Variants in SOX5 observed in about 807,000 individuals in gnomAD.
SOX5 encodes transcription factor SOX-5.
In SOX5, 9 loss-of-function variants were observed where a neutral mutation model predicts 92.0. That is an observed-to-expected ratio of 0.10 (90% CI 0.06 to 0.17). SOX5 has a LOEUF of 0.17. Ranked by LOEUF, SOX5 falls within the 10% of genes least tolerant of loss-of-function variation. The probability of loss-of-function intolerance (pLI) is 1.00; values close to 1 mark genes in which losing one functional copy is unlikely to be tolerated. For missense variants in SOX5, 642 were observed against 944.5 expected (o/e 0.68, Z 4.20); for synonymous variants, 344 against 336.3 (o/e 1.02, Z -0.25).
intron 9 of SOX5, among the ~76,000 whole-genome samples, chr12:23,588,531 TAA>T (rs1951066367): frequency 6.6e-6 from 1 of 152,022 alleles, no homozygotes; most frequent in African/African-American, 2.4e-5. Context: ...CTGAATTCCA[TAA>T]AAGACTTTAT....
At chr12:23,698,419 C>T (rs994651437) in intron 6 of SOX5, among the ~76,000 whole-genome samples, 1 of 152,116 alleles carries the variant, frequency 6.6e-6, no homozygotes, top group South Asian at 2.1e-4. Context: ...GTTTTAATTG[C>T]TATATCTTCA....
At chr12:23,742,211 G>A (rs1184642991) in intron 4 of SOX5, among the ~76,000 whole-genome samples, 3 of 152,154 alleles carry the variant, frequency 2.0e-5, no homozygotes, top group Admixed American at 2.0e-4. Context: ...ATTTTAGGAA[G>A]TAGCAGCTAT....
intron 8 of SOX5, among the ~76,000 whole-genome samples, chr12:23,615,543 C>G (rs1351874732): frequency 6.6e-6 from 1 of 152,106 alleles, no homozygotes; most frequent in Admixed American, 6.5e-5. Context: ...TTGTTCCCCT[C>G]TGTGTGTCCA....
rs1948054461 is a variant in SOX5 at position 24,116,812 on chromosome 12, A to G, written c.-2+96531T>C. On this transcript the variant is annotated intron_variant, in intron 4 of 4. Coordinates refer to the SOX5 transcript ENST00000446891. ...TTGTTTAATTTTTCAAATCATGTGC[A>G]TGTATTATTTTGATGACAGTATTTA... is the stretch of plus-strand genomic sequence containing the variant. 2.6e-5 allele frequency among the ~76,000 whole-genome samples: 4 copies of G among 152,202 alleles called. No homozygotes were observed. In the South Asian group the frequency reaches 6.2e-4, roughly 24 times the overall value.
intron 2 of SOX5, among the ~76,000 whole-genome samples, chr12:23,863,915 G>A (rs994062689): frequency 6.6e-6 from 1 of 150,602 alleles, no homozygotes; most frequent in Admixed American, 6.6e-5. Context: ...CTGAGTCCTA[G>A]AAGGAATAAA....
chr12:23,880,752 G>T (rs912653553), intron 2 of SOX5, among the ~76,000 whole-genome samples: 6 of 152,092 alleles, frequency 3.9e-5, no homozygotes, highest in Non-Finnish European at 8.8e-5. Context: ...ATGCCATCTT[G>T]CTTTCCCCTA....
intron 1 of SOX5, among the ~76,000 whole-genome samples, chr12:24,417,125 G>T (rs1965150457): frequency 6.6e-6 from 1 of 152,156 alleles, no homozygotes. Flanking sequence ...ATCTGGAACT[G>T]CCCATTTGTG....
chr12:23,648,917 C>T (rs2081211806), intron 7 of SOX5, among the ~76,000 whole-genome samples: 1 of 152,058 alleles, frequency 6.6e-6, no homozygotes, highest in Non-Finnish European at 1.5e-5. Context: ...TTCAAATATA[C>T]AAATATATCC....
At chr12:24,033,341 C>A (rs1955697918) in intron 4 of SOX5, among the ~76,000 whole-genome samples, 1 of 151,790 alleles carries the variant, frequency 6.6e-6, no homozygotes, top group South Asian at 2.1e-4. Context: ...ATTTATTTGT[C>A]AAAATAAGTT....
intron 1 of SOX5, among the ~76,000 whole-genome samples, chr12:24,492,572 T>C (rs1797749055): frequency 6.6e-6 from 1 of 152,164 alleles, no homozygotes; most frequent in Non-Finnish European, 1.5e-5. Context: ...CTTTGAAAAG[T>C]CAATGATTCA....
chr12:24,027,797 T>C (rs11047216), intron 4 of SOX5, among the ~76,000 whole-genome samples: 67,331 of 151,612 alleles, frequency 0.44, 15,530 homozygotes, highest in African/African-American at 0.52. Flanking sequence ...ATCCACTCCT[T>C]CACCAATCCA....
In SOX5 at chr12:24,289,602, C is replaced by T. The variant is rs1308401694; in HGVS notation, c.-173-12290G>A. ...CCAAGTAGCTGGGACTACAGGCGCC[C>T]GCCACTACGCCCGGCTAATTTTTTT... On this transcript the variant is annotated intron_variant, in intron 2 of 4. Transcript: ENST00000446891. Among the ~76,000 whole-genome samples the T allele has an allele frequency of 2.1e-5, 3 of 143,062 alleles. No homozygotes were observed. In the South Asian group the frequency reaches 6.5e-4, roughly 31 times the overall value. 93.9% of individuals were successfully genotyped at this position (143,062 alleles called of 152,430 possible).
chr12:24,315,926 G>A (rs1197762213), intron 2 of SOX5, among the ~76,000 whole-genome samples: 1 of 152,170 alleles, frequency 6.6e-6, no homozygotes, highest in African/African-American at 2.4e-5. Context: ...AAACGGAGGC[G>A]TGTGACTCTT....
At chr12:23,922,943 CTT>C (rs372074468) in intron 1 of SOX5, among the ~76,000 whole-genome samples, 17 of 143,010 alleles carry the variant, frequency 1.2e-4, no homozygotes, top group Admixed American at 1.4e-4. Context: ...GAAGCTCCTT[CTT>C]TTTTTTTTTT....
chr12:23,566,805 A>C (rs1215912229), intron 10 of SOX5, among the ~76,000 whole-genome samples: 2 of 152,248 alleles, frequency 1.3e-5, no homozygotes, highest in Non-Finnish European at 2.9e-5. Flanking sequence ...TCACTTTATA[A>C]AATGGCATAG....
chr12:24,395,912 G>A (rs1959822409), intron 1 of SOX5, among the ~76,000 whole-genome samples: 1 of 152,094 alleles, frequency 6.6e-6, no homozygotes, highest in Admixed American at 6.6e-5. Flanking sequence ...ATCTCTGTCT[G>A]GCCTGCCCTC....
At chr12:23,914,464 A>T (rs1454512082) in intron 1 of SOX5, among the ~76,000 whole-genome samples, 1 of 152,178 alleles carries the variant, frequency 6.6e-6, no homozygotes, top group Non-Finnish European at 1.5e-5. Flanking sequence ...TCCTTGAGGT[A>T]TATCTAGAAG....
At chr12:24,138,567 T>TA (rs1950299391) in intron 4 of SOX5, among the ~76,000 whole-genome samples, 1 of 152,230 alleles carries the variant, frequency 6.6e-6, no homozygotes, top group South Asian at 2.1e-4. Context: ...GGGCATGTAT[T>TA]ACAGAAGCAT....
chr12:23,770,048 G>GTTTTTT (rs71059922), intron 3 of SOX5, among the ~76,000 whole-genome samples: 5 of 106,522 alleles, frequency 4.7e-5, no homozygotes, highest in South Asian at 3.4e-4. Context: ...TGCTCCCTCT[G>GTTTTTT]TTTTTTTTTT....
Sources: allele counts gnomAD v4.1 joint callset (sites outside exome capture counted in the v4.1 genomes callset), GRCh38; gene constraint gnomAD v4.1.1; transcripts MANE v1.5; gene names NCBI Gene and HGNC (gene_info 2026-07-23, HGNC 2026-07-21).